The following SEMA4C variants were observed in gnomAD, a reference collection of about 807,000 sequenced individuals.
The protein encoded by SEMA4C is semaphorin 4C, also known as semaphorin-4C.
In SEMA4C, 19 loss-of-function variants were observed where a neutral mutation model predicts 89.0. That is an observed-to-expected ratio of 0.21 (90% CI 0.15 to 0.31). SEMA4C has a LOEUF of 0.31. SEMA4C is among the 10% of genes least tolerant of loss of function. The probability of loss-of-function intolerance (pLI) is 1.00; values close to 1 mark genes in which losing one functional copy is unlikely to be tolerated. For missense variants in SEMA4C, 811 were observed against 1,107.0 expected, an observed-to-expected ratio of 0.73 and a Z score of 3.79; for synonymous variants, 428 against 472.7, an observed-to-expected ratio of 0.91 and a Z score of 1.23.
At chr2:96,866,506 C>T in intron 2 of SEMA4C, 75 bp from the exon 3 acceptor site, 1 of 1,593,654 alleles carries the variant, frequency 6.3e-7, no homozygotes, top group Non-Finnish European at 8.6e-7. Context: ...TCCACGAGAG[C>T]CAGCACCCCA....
intron 1 of SEMA4C, chr2:96,868,276 C>T (rs2080127164): frequency 2.1e-6 from 1 of 471,694 alleles, no homozygotes; most frequent in Non-Finnish European, 3.2e-6. Context: ...GTTTGAGTTT[C>T]TTGAAAGAAC....
chr2:96,868,681 G>C, intron 1 of SEMA4C: 1 of 985,456 alleles, frequency 1.0e-6, no homozygotes, highest in Non-Finnish European at 1.2e-6. Context: ...CTCTGGCGGA[G>C]GGGCGGTGGG....
At chr2:96,866,176 G>T in intron 3 of SEMA4C, 107 bp downstream of exon 3, 2 of 1,457,624 alleles carry the variant, frequency 1.4e-6, no homozygotes, top group Admixed American at 2.2e-5. Context: ...ATGCCCAGCA[G>T]CACTTCTGTG....
chr2:96,869,670 G>C (rs1437038090), intron 1 of SEMA4C: 1 of 985,052 alleles, frequency 1.0e-6, no homozygotes, highest in African/African-American at 1.7e-5. Flanking sequence ...GGCTGCAGGT[G>C]CTGTGCGCCC....
intron 3 of SEMA4C, 136 bp from the exon 4 acceptor site, chr2:96,866,065 A>G: frequency 9.2e-7 from 1 of 1,088,612 alleles, no homozygotes; most frequent in Non-Finnish European, 1.3e-6. Flanking sequence ...TTCCTTTAGT[A>G]CAGAATGGAA....
chr2:96,862,068 C>G, intron 12 of SEMA4C, 174 bp from the exon 13 acceptor site: 2 of 681,782 alleles, frequency 2.9e-6, no homozygotes, highest in East Asian at 2.7e-5. Context: ...AAAGGGAACT[C>G]TAAGAACCGC....
rs546344548 is a variant in SEMA4C, at chr2:96,865,575, G to A, written c.421-38C>T. 8 of 1,605,712 alleles carry A rather than the reference G, an allele frequency of 5.0e-6. No individual in the cohort carries two copies. In the East Asian group the frequency reaches 1.3e-4, roughly 27 times the overall value. On this transcript the variant is annotated intron_variant, in intron 5 of 14. Coordinates refer to ENST00000305476, the MANE Select transcript of SEMA4C (RefSeq NM_017789.5). The stretch of plus-strand genomic sequence containing the variant: ...AGAGAGGTGATGAGGAGATGCTTAA[G>A]GGCAGGGCTCTGTGGGCCACATCCA...
At position 96,860,864 on chromosome 2, in the gene SEMA4C, C is replaced by A. The variant is rs148474642; in HGVS notation, c.2264G>T (p.Gly755Val). 2 of 1,613,156 alleles carry A rather than the reference C, an allele frequency of 1.2e-6. No individual in the cohort carries two copies. Among genetic ancestry groups the A allele is most frequent in the Non-Finnish European group, 1.7e-6 (2 of 1,180,016 alleles). The change falls in exon 15 of 15, where the codon GGT becomes GTT. Residue 755 changes from glycine to valine, a missense_variant. By Grantham distance (109) the Gly-to-Val change is moderately radical (BLOSUM62 -3). This residue lies in a region of SEMA4C where 248 missense variants were observed against 269.0 expected (regional missense o/e 0.92). Coordinates refer to ENST00000305476, the MANE Select transcript of SEMA4C (RefSeq NM_017789.5). ...IVPGHARCQP[G>V]GGPPSPPPGI... ...TGGAGGTGGCGAAGGGGGCCCCCCA[C>A]CGGGCTGGCACCGGGCATGCCCAGG...
chr2:96,865,185 A>G lies in SEMA4C; in HGVS notation c.634+19T>C. The G allele has an allele frequency of 6.2e-7, 1 of 1,611,540 alleles. No individual in the cohort carries two copies. The highest frequency in any genetic ancestry group is 2.2e-5 in the East Asian group (1 of 44,768). ...GGGACCTCCCACCCATGGCTCCCAC[A>G]GGCCCCCCGGTGGCTCACCGTTGAG... On this transcript the variant is annotated intron_variant, in intron 7 of 14. Transcript: ENST00000305476.
intron 1 of SEMA4C, chr2:96,869,430 G>A: frequency 1.0e-6 from 1 of 984,244 alleles, no homozygotes; most frequent in Non-Finnish European, 1.2e-6. Context: ...CGGCCCGGGG[G>A]CCTGGCTTTC....
chr2:96,862,998 T>A (rs1034472922), intron 12 of SEMA4C: 1 of 153,360 alleles, frequency 6.5e-6, no homozygotes, highest in African/African-American at 2.4e-5. Context: ...GCCACCGCAC[T>A]CCAGCCTGGG....
rs566735028 is a variant in SEMA4C, at chr2:96,863,565, T to C, written c.1443+117A>G. On this transcript the variant is annotated intron_variant, in intron 12 of 14. Coordinates refer to ENST00000305476, the MANE Select transcript of SEMA4C (RefSeq NM_017789.5). ...GGCAAGGTGTGCATCCACATGTGTG[T>C]GTGTTCCTAACTCTGCACTGGCCAA... is the stretch of plus-strand genomic sequence containing the variant. 4.8e-6 allele frequency: 6 copies of C among 1,248,842 alleles called. No homozygotes were observed. In the African/African-American group the frequency reaches 8.9e-5, roughly 19 times the overall value. 77.4% of individuals were successfully genotyped at this position (1,248,842 alleles called of 1,614,324 possible).
rs1182331639 is a variant in SEMA4C, at chr2:96,864,995, T to C, written c.755A>G (p.Gln252Arg). 1 of 1,567,258 alleles carries C rather than the reference T, an allele frequency of 6.4e-7. No individual in the cohort carries two copies. ...GACACGGGCCACACGAGCCACCACC[T>C]GCTCGGCATAGCAGTCGGACTCCAC... Reference protein sequence around the residue: ...RAVESDCYAEQVVARVARVCK... With the variant: ...RAVESDCYAERVVARVARVCK... Residue 252 changes from glutamine (Q) to arginine (R), a missense_variant, in exon 8 of 15, where the codon CAG (glutamine) becomes CGG (arginine). Physicochemically the swap from Gln to Arg is conservative, Grantham distance 43. This residue lies in a region of SEMA4C where 441 missense variants were observed against 664.9 expected (regional missense o/e 0.66). Coordinates refer to ENST00000305476, the MANE Select transcript of SEMA4C (RefSeq NM_017789.5). The surrounding 1 kb of genome is among the most constrained non-coding windows in gnomAD (Gnocchi z 6.3).
chr2:96,865,340 G>A lies in SEMA4C; in HGVS notation c.518-20C>T, dbSNP rs1399182137. 1 of 1,613,164 alleles carries A rather than the reference G, an allele frequency of 6.2e-7. No individual in the cohort carries two copies. Among genetic ancestry groups the A allele is most frequent in the African/African-American group, 1.3e-5 (1 of 74,916 alleles). On this transcript the variant is annotated intron_variant, in intron 6 of 14. Coordinates refer to ENST00000305476, the MANE Select transcript of SEMA4C (RefSeq NM_017789.5). ...CACCATCTATGGGAGACAGAGGTCA[G>A]CTAGGCCACACATGAGGTATGGACA...
At chr2:96,870,257 C>T (rs2080174472), upstream of SEMA4C, 40 of 985,378 alleles carry the variant, frequency 4.1e-5, no homozygotes, top group Admixed American at 6.1e-5. Context: ...GTGCCCGGAC[C>T]TCAACCCCTC....
chr2:96,870,199 T>C (rs1380414846), upstream of SEMA4C: 29 of 984,668 alleles, frequency 2.9e-5, no homozygotes, highest in Non-Finnish European at 3.3e-5. Context: ...CAGCGACCTG[T>C]GGACCCGCCC....
Position 96,866,419 on chromosome 2 carries a change from AC to A in SEMA4C, c.121del (p.Val41Ter), listed in dbSNP as rs1443602336. On this transcript the variant is annotated frameshift_variant, in exon 3 of 15. Transcript: ENST00000305476. LOFTEE classifies it high-confidence loss of function. ...GCCGGTCTGGGAGAACCGCCGTACT[AC>A]CGTGGCCAGCTCTGCAGGGGTAAGC... ...KTVSSGELAT[V>X]VRRFSQTGIQ... 1 of 1,613,912 alleles carries A rather than the reference AC, an allele frequency of 6.2e-7. No homozygotes were observed. The highest frequency in any genetic ancestry group is 8.5e-7 in the Non-Finnish European group (1 of 1,180,016).
At chr2:96,868,423 G>A (rs2080130957) in intron 1 of SEMA4C, 19 of 1,000,782 alleles carry the variant, frequency 1.9e-5, no homozygotes, top group Non-Finnish European at 2.3e-5. Context: ...AACCTGGTGC[G>A]GCCGGCTGCG....
intron 1 of SEMA4C, chr2:96,868,962 A>AC (rs2080145241): frequency 1.0e-6 from 1 of 984,938 alleles, no homozygotes; most frequent in Non-Finnish European, 1.2e-6. Flanking sequence ...GGACCTGCTC[A>AC]CCCCCAAACA....
Sources: gnomAD v4.1 joint callset for allele counts on GRCh38, gnomAD v4.1.1 for gene constraint, gnomAD v4.1.1 regional missense constraint, Gnocchi (gnomAD v3.1) non-coding constraint, MANE v1.5 for transcripts, NCBI Gene and HGNC (gene_info 2026-07-23, HGNC 2026-07-21) for gene names.